MAP2K4: variants seen among roughly 807,000 people sequenced by gnomAD.
MAP2K4 encodes the protein mitogen-activated protein kinase kinase 4.
A neutral mutation model predicts 48.5 loss-of-function variants in MAP2K4; 4 were observed. The ratio of observed to expected loss-of-function variants is 0.08; its 90% confidence interval spans 0.04 to 0.19. The LOEUF (loss-of-function observed/expected upper bound fraction) is 0.19. Ranked by LOEUF, MAP2K4 falls within the 10% of genes least tolerant of loss-of-function variation. MAP2K4 has a pLI of 1.00. For missense variants in MAP2K4, 258 were observed against 493.3 expected, an observed-to-expected ratio of 0.52 and a Z score of 4.52; for synonymous variants, 166 against 173.1, an observed-to-expected ratio of 0.96 and a Z score of 0.32.
chr17:12,038,737 A>G (rs1166589947), intron 1 of MAP2K4, among the ~76,000 whole-genome samples: 1 of 152,196 alleles, frequency 6.6e-6, no homozygotes, highest in African/African-American at 2.4e-5. Context: ...TGAAGTAGGT[A>G]TAATAGTTAA....
intron 7 of MAP2K4, chr17:12,124,656 C>T (rs1185691822): frequency 6.6e-6 from 1 of 151,840 alleles, no homozygotes; most frequent in East Asian, 1.9e-4. Flanking sequence ...TGACCTAATT[C>T]TTTTTTTAAA....
rs1567640550 is a variant in MAP2K4 at position 12,064,021 on chromosome 17, G to GA, written c.218+9030_218+9031insA. Among the ~76,000 whole-genome samples the GA allele has an allele frequency of 1.7e-4, 16 of 93,616 alleles. No homozygotes were observed. The South Asian group carries it at 1.9e-3, about 11-fold the overall frequency. 61.4% of individuals were successfully genotyped at this position (93,616 alleles called of 152,430 possible). ...CAGGGAGGAGGAGAGGGGAAGGGGG[G>GA]GAGAGAGAGAGAGAGAGAGAGAAAG... On this transcript the variant is annotated intron_variant, in intron 2 of 10. Coordinates refer to ENST00000353533, the MANE Select transcript of MAP2K4 (RefSeq NM_003010.4).
intron 2 of MAP2K4, among the ~76,000 whole-genome samples, chr17:12,079,247 A>T (rs914267338): frequency 2.0e-5 from 3 of 152,218 alleles, no homozygotes; most frequent in Non-Finnish European, 4.4e-5. Flanking sequence ...ATTCAGTTTT[A>T]AAAAGAAACT....
At chr17:12,098,762 C>T (rs1971839965) in intron 4 of MAP2K4, among the ~76,000 whole-genome samples, 1 of 152,036 alleles carries the variant, frequency 6.6e-6, no homozygotes, top group African/African-American at 2.4e-5. Flanking sequence ...TACTGTGAGA[C>T]ACCCTCCAGG....
At chr17:12,079,853 C>T (rs1364132616) in intron 2 of MAP2K4, among the ~76,000 whole-genome samples, 1 of 152,190 alleles carries the variant, frequency 6.6e-6, no homozygotes, top group Admixed American at 6.5e-5. Context: ...TGATTTCCAT[C>T]TTAAAAGATC....
intron 1 of MAP2K4, among the ~76,000 whole-genome samples, chr17:12,042,414 G>A (rs573007457): frequency 6.6e-6 from 1 of 152,222 alleles, no homozygotes; most frequent in South Asian, 2.1e-4. Context: ...GCCCTGGAGG[G>A]TGGAGAGAAG....
At chr17:12,088,304 A>G (rs1284000635) in intron 3 of MAP2K4, among the ~76,000 whole-genome samples, 2 of 151,180 alleles carry the variant, frequency 1.3e-5, no homozygotes, top group Admixed American at 6.6e-5. Flanking sequence ...TTTAGCAGGG[A>G]TTACTTAATG....
chr17:12,106,281 G>A (rs534729207), intron 4 of MAP2K4, among the ~76,000 whole-genome samples: 3 of 152,160 alleles, frequency 2.0e-5, no homozygotes, highest in East Asian at 3.9e-4. Flanking sequence ...GGTGTTACTC[G>A]ATCTTTCATG....
intron 9 of MAP2K4, among the ~76,000 whole-genome samples, chr17:12,132,939 T>C (rs970818413): frequency 7.9e-5 from 12 of 152,234 alleles, no homozygotes; most frequent in African/African-American, 2.9e-4. Context: ...CAGCAAGTGT[T>C]GCACAGTGAA....
intron 8 of MAP2K4, 70 bp from the exon 9 acceptor site, chr17:12,129,069 G>T: frequency 6.7e-7 from 1 of 1,486,076 alleles, no homozygotes; most frequent in Non-Finnish European, 9.2e-7. Flanking sequence ...AGATTTTTTT[G>T]TGGCCCTTCC....
At chr17:12,065,822 T>C (rs1378507283) in intron 2 of MAP2K4, among the ~76,000 whole-genome samples, 1 of 152,226 alleles carries the variant, frequency 6.6e-6, no homozygotes, top group East Asian at 1.9e-4. Context: ...AGCACCTATG[T>C]ATTTCGACAA....
chr17:12,027,794 G>T lies in MAP2K4; in HGVS notation c.115+6793G>T, dbSNP rs553759137. On this transcript the variant is annotated intron_variant, in intron 1 of 10. Coordinates refer to ENST00000353533, the MANE Select transcript of MAP2K4 (RefSeq NM_003010.4). ...GAAGGGTTGTGGCAGAGGTGTAGAG[G>T]GTGGGGTGTGGATCTCCAGGGCTGT... Among the ~76,000 whole-genome samples the T allele has an allele frequency of 2.0e-5, 3 of 152,070 alleles. No homozygotes were observed. In the South Asian group the frequency reaches 6.2e-4, roughly 32 times the overall value.
At chr17:12,033,454 A>C (rs930701590) in intron 1 of MAP2K4, among the ~76,000 whole-genome samples, 1 of 152,150 alleles carries the variant, frequency 6.6e-6, no homozygotes, top group Non-Finnish European at 1.5e-5. Context: ...GTTAGCAAAA[A>C]TTTATTTCTT....
chr17:12,108,035 C>T (rs1972179876), intron 5 of MAP2K4, 126 bp downstream of exon 5: 1 of 868,220 alleles, frequency 1.2e-6, no homozygotes, highest in African/African-American at 1.7e-5. Context: ...TAGTTAATAA[C>T]CAGAGACAAA....
chr17:12,036,314 A>G (rs1755919432), intron 1 of MAP2K4, among the ~76,000 whole-genome samples: 1 of 152,168 alleles, frequency 6.6e-6, no homozygotes, highest in Admixed American at 6.5e-5. Flanking sequence ...GTCCTGCCTT[A>G]GAAGGTTGAT....
At chr17:12,065,541 C>T (rs1179701813) in intron 2 of MAP2K4, among the ~76,000 whole-genome samples, 2 of 151,860 alleles carry the variant, frequency 1.3e-5, no homozygotes, top group Non-Finnish European at 2.9e-5. Flanking sequence ...CTCAGGTGAT[C>T]TGCCCGCCTC....
At position 12,020,905 on chromosome 17, in the gene MAP2K4, AGCG is replaced by A. The variant is rs1002526348; in HGVS notation, c.31_33del (p.Gly11del). ...CCCAACAATGGCGGCTCCGAGCCCG[AGCG>A]GCGGCGGCGGCTCCGGGGGCGGCAG... On this transcript the variant is annotated inframe_deletion, in exon 1 of 11. Coordinates refer to ENST00000353533, the MANE Select transcript of MAP2K4 (RefSeq NM_003010.4). The A allele has an allele frequency of 1.4e-5, 16 of 1,168,874 alleles. No homozygotes were observed. The highest frequency in any genetic ancestry group is 7.4e-5 in the East Asian group (2 of 26,914). 72.4% of individuals were successfully genotyped at this position (1,168,874 alleles called of 1,614,324 possible). A position where few individuals can be genotyped will look rare whatever the true frequency, so the allele number is the denominator to read the frequency against.
intron 9 of MAP2K4, among the ~76,000 whole-genome samples, chr17:12,131,491 C>T (rs748747654): frequency 4.6e-5 from 7 of 151,862 alleles, no homozygotes; most frequent in Non-Finnish European, 7.4e-5. Context: ...GTGATCTGCC[C>T]GCCTCGACCT....
chr17:12,088,512 ATATG>A (rs1385768373), intron 3 of MAP2K4, among the ~76,000 whole-genome samples: 1 of 126,706 alleles, frequency 7.9e-6, no homozygotes, highest in African/African-American at 2.7e-5. Context: ...ATTATCTATA[ATATG>A]TATGTAATAT....
Sources: allele counts gnomAD v4.1 joint callset (sites outside exome capture counted in the v4.1 genomes callset), GRCh38; gene constraint gnomAD v4.1.1; transcripts MANE v1.5; gene names NCBI Gene and HGNC (gene_info 2026-07-23, HGNC 2026-07-21).